RALYL: variants seen among roughly 807,000 people sequenced by gnomAD.
RALYL encodes RNA-binding Raly-like protein.
RALYL carries 29 observed loss-of-function variants against 35.1 expected under a neutral mutation model. That is an observed-to-expected ratio of 0.83 (90% confidence interval 0.61 to 1.13). RALYL has a LOEUF of 1.13. Among genes scored for constraint, RALYL ranks in the 50% most tolerant of loss-of-function variants. RALYL has a pLI of 0.00. For synonymous variants in RALYL, 120 were observed against 127.6 expected (o/e 0.94, Z 0.40); for missense variants, 359 against 360.4 (o/e 1.00, Z 0.03).
intron 1 of RALYL, among the ~76,000 whole-genome samples, chr8:84,301,372 A>G (rs1312347039): frequency 6.6e-6 from 1 of 152,032 alleles, no homozygotes; most frequent in South Asian, 2.1e-4. Flanking sequence ...TGGGAAAGTC[A>G]TCTTTTATAG....
chr8:84,668,586 T>A (rs1832550298), intron 2 of RALYL, among the ~76,000 whole-genome samples: 3 of 152,142 alleles, frequency 2.0e-5, no homozygotes, highest in African/African-American at 7.2e-5. Context: ...CAAGGTCACT[T>A]ATAAAGTTAT....
At chr8:84,674,572 A>C (rs952602835) in intron 2 of RALYL, among the ~76,000 whole-genome samples, 1 of 151,782 alleles carries the variant, frequency 6.6e-6, no homozygotes, top group East Asian at 1.9e-4. Context: ...GGCTCTTCCT[A>C]CTCCTTCCAA....
chr8:84,827,821 C>T (rs1338280945), intron 4 of RALYL, among the ~76,000 whole-genome samples: 3 of 151,772 alleles, frequency 2.0e-5, no homozygotes, highest in East Asian at 1.9e-4. Context: ...CCAATTTTAC[C>T]GTTAAAAAGT....
rs571220656 is a variant in RALYL, at chr8:84,590,484, C to T, written c.256+60907C>T. On this transcript the variant is annotated intron_variant, in intron 2 of 8. Transcript: ENST00000521268. ...GAGTTTCAATGATCATTTGTTCAAA[C>T]GTAGCATAAGGAGATATAAGGTGTG... Among the ~76,000 whole-genome samples the T allele has an allele frequency of 7.2e-5, 11 of 152,200 alleles. No individual in the cohort carries two copies. In the South Asian group the frequency reaches 2.1e-3, roughly 29 times the overall value.
chr8:84,308,362 TA>T (rs11340323), intron 1 of RALYL, among the ~76,000 whole-genome samples: 3,416 of 150,674 alleles, frequency 0.023, 132 homozygotes, highest in African/African-American at 0.075. Context: ...ATATCTTAAT[TA>T]AAAAAAAAAT....
Position 84,550,943 on chromosome 8 carries a change from C to A in RALYL, c.256+21366C>A, listed in dbSNP as rs1019480491. ...AAAATCTAGGTCTATAACCATTACC[C>A]AAGGTATAAATATAAACTTACATTA... On this transcript the variant is annotated intron_variant, in intron 2 of 8. Transcript: ENST00000521268. 4.6e-5 allele frequency among the ~76,000 whole-genome samples: 7 copies of A among 151,708 alleles called. 1 individual carries two copies. The highest frequency in any genetic ancestry group is 1.3e-4 in the Admixed American group (2 of 15,228).
At chr8:84,627,602 A>C (rs1472618186) in intron 2 of RALYL, among the ~76,000 whole-genome samples, 1 of 149,720 alleles carries the variant, frequency 6.7e-6, no homozygotes, top group African/African-American at 2.5e-5. Context: ...ATTTCTGGCC[A>C]CTCTTTCTCA....
rs543898913 is a variant in RALYL at position 84,206,316 on chromosome 8, A to T, written c.-24+21892A>T. Reference sequence around the variant, plus strand: ...TGAGTGCATGGGTGATCTGGAGGTAACTTCAGCCTTCCTCGTGGTACCTAA... The same window carrying T: ...TGAGTGCATGGGTGATCTGGAGGTATCTTCAGCCTTCCTCGTGGTACCTAA... On this transcript the variant is annotated intron_variant, in intron 1 of 8. Transcript: ENST00000521268. Among the ~76,000 whole-genome samples, 5 of 152,250 alleles carry T rather than the reference A, an allele frequency of 3.3e-5. No homozygotes were observed. The East Asian group carries it at 5.8e-4, about 18-fold the overall frequency.
intron 2 of RALYL, among the ~76,000 whole-genome samples, chr8:84,709,999 T>G (rs1015240918): frequency 1.3e-5 from 2 of 152,108 alleles, no homozygotes; most frequent in Admixed American, 1.3e-4. Flanking sequence ...AGGTGGAGGT[T>G]GCAGTGAGCC....
chr8:84,873,202 C>A, intron 6 of RALYL, 82 bp from the exon 7 acceptor site: 1 of 634,890 alleles, frequency 1.6e-6, no homozygotes, highest in Admixed American at 3.0e-5. Flanking sequence ...TGAGAAAATA[C>A]GGGGTCCCTG....
chr8:84,263,727 C>G (rs1048324146), intron 1 of RALYL, among the ~76,000 whole-genome samples: 1 of 152,066 alleles, frequency 6.6e-6, no homozygotes, highest in Admixed American at 6.6e-5. Context: ...AGCTCAGCAT[C>G]TATTAGCTAT....
At chr8:84,255,997 A>G (rs1455407965) in intron 1 of RALYL, among the ~76,000 whole-genome samples, 1 of 152,174 alleles carries the variant, frequency 6.6e-6, no homozygotes, top group Non-Finnish European at 1.5e-5. Flanking sequence ...GCATAGACAG[A>G]GTATCATGAA....
intron 4 of RALYL, among the ~76,000 whole-genome samples, chr8:84,826,067 T>C (rs1224704994): frequency 6.6e-6 from 1 of 151,978 alleles, no homozygotes; most frequent in African/African-American, 2.4e-5. Context: ...AAAAATATAT[T>C]GAATGTTCTT....
chr8:84,300,844 G>T (rs1840634405), intron 1 of RALYL, among the ~76,000 whole-genome samples: 1 of 151,896 alleles, frequency 6.6e-6, no homozygotes, highest in Non-Finnish European at 1.5e-5. Context: ...TATTCAACTT[G>T]CCAGCATACC....
intron 1 of RALYL, among the ~76,000 whole-genome samples, chr8:84,399,734 C>A (rs938328635): frequency 6.6e-6 from 1 of 152,014 alleles, no homozygotes; most frequent in Non-Finnish European, 1.5e-5. Flanking sequence ...GTCTTATAAC[C>A]CTTTCCATGG....
chr8:84,753,632 A>T (rs1810614793), intron 2 of RALYL, among the ~76,000 whole-genome samples: 1 of 151,936 alleles, frequency 6.6e-6, no homozygotes, highest in South Asian at 2.1e-4. Flanking sequence ...TTCTCATGAG[A>T]TCTGATTGTT....
chr8:84,394,068 G>A (rs1411917488), intron 1 of RALYL, among the ~76,000 whole-genome samples: 1 of 151,920 alleles, frequency 6.6e-6, no homozygotes, highest in African/African-American at 2.4e-5. Context: ...CAGTGTATTT[G>A]TTGCCTTCAT....
intron 1 of RALYL, among the ~76,000 whole-genome samples, chr8:84,371,206 A>G (rs1855614251): frequency 6.6e-6 from 1 of 152,006 alleles, no homozygotes; most frequent in African/African-American, 2.4e-5. Flanking sequence ...GCACATTCAT[A>G]TATTTAATAT....
At chr8:84,195,986 A>C (rs1234574976) in intron 1 of RALYL, among the ~76,000 whole-genome samples, 2 of 152,218 alleles carry the variant, frequency 1.3e-5, no homozygotes, top group Non-Finnish European at 2.9e-5. Context: ...GAATATATTG[A>C]GATTACTCAA....
Sources: gnomAD v4.1 joint callset for allele counts (sites outside exome capture counted in the v4.1 genomes callset) on GRCh38, gnomAD v4.1.1 for gene constraint, MANE v1.5 for transcripts, NCBI Gene and HGNC (gene_info 2026-07-23, HGNC 2026-07-21) for gene names.